Variants in PADI4 observed in about 807,000 individuals in gnomAD.
The protein encoded by PADI4 is peptidyl arginine deiminase 4, also known as protein-arginine deiminase type-4.
Under a neutral mutation model 75.0 loss-of-function variants are expected in PADI4, and 62 were observed. That is an observed-to-expected ratio of 0.83 (90% confidence interval 0.67 to 1.02). The LOEUF (loss-of-function observed/expected upper bound fraction) is 1.02. Ranked by LOEUF, PADI4 falls within the 50% of genes least tolerant of loss-of-function variation. The pLI, the probability that PADI4 is intolerant of heterozygous loss-of-function variation, is 0.00. For synonymous variants in PADI4, 361 were observed against 348.1 expected (o/e 1.04, Z -0.41); for missense variants, 845 against 850.5 (o/e 0.99, Z 0.08).
rs569201762 is a variant in PADI4, at chr1:17,355,124, A to AGGCCTAATGACAGAAG, written c.1310+440_1310+455dup. Among the ~76,000 whole-genome samples the AGGCCTAATGACAGAAG allele has an allele frequency of 3.9e-4, 60 of 152,318 alleles. 1 individual carries two copies. The South Asian group carries it at 0.012, about 31-fold the overall frequency. ...CTCTGGGGAAGGGGCTTTTGAACTG[A>AGGCCTAATGACAGAAG]GGCCTAATGACAGAAGGGACAGGGC... On this transcript the variant is annotated intron_variant, in intron 11 of 15. Coordinates refer to ENST00000375448, the MANE Select transcript of PADI4 (RefSeq NM_012387.3).
At chr1:17,338,318 T>G (rs1635585) in intron 5 of PADI4, among the ~76,000 whole-genome samples, 163 bp downstream of exon 5, 97,781 of 151,968 alleles carry the variant, frequency 0.64, 31,594 homozygotes, top group Non-Finnish European at 0.67. Flanking sequence ...CCCTCGGGGG[T>G]CAAGTGACCT....
intron 2 of PADI4, among the ~76,000 whole-genome samples, chr1:17,333,552 A>G (rs882537): frequency 0.64 from 97,177 of 151,068 alleles, 31,442 homozygotes; most frequent in Non-Finnish European, 0.67. Flanking sequence ...CTGGTTCTTC[A>G]GGTCTTTCCT....
Position 17,356,380 on chromosome 1 carries a change from C to T in PADI4, c.1479C>T (p.Ser493=), listed in dbSNP as rs753207607. ...DRKGFRLLLA[S]PRSCYKLFQE... ...AGGGCTTCCGGCTGCTCCTGGCCAG[C>T]CCCAGGTCCTGCTACAAACTGTTCC... Residue 493 remains serine (S), a synonymous_variant, in exon 13 of 16, where the codon AGC becomes AGT. Coordinates refer to ENST00000375448, the MANE Select transcript of PADI4 (RefSeq NM_012387.3). The surrounding 1 kb of genome is among the most constrained non-coding windows in gnomAD (Gnocchi z 4.1). 15 of 1,612,078 alleles carry T rather than the reference C, an allele frequency of 9.3e-6. No homozygotes were observed. The highest frequency in any genetic ancestry group is 1.3e-5 in the Non-Finnish European group (15 of 1,178,826).
intron 8 of PADI4, among the ~76,000 whole-genome samples, chr1:17,343,416 G>A (rs6662651): frequency 0.019 from 2,842 of 152,098 alleles, 110 homozygotes; most frequent in African/African-American, 0.065. Flanking sequence ...TAGCTTCAGG[G>A]GCAGAAGAGT....
intron 1 of PADI4, among the ~76,000 whole-genome samples, chr1:17,321,729 G>A (rs2074035048): frequency 6.6e-6 from 1 of 152,328 alleles, no homozygotes; most frequent in Middle Eastern, 3.4e-3. Context: ...GAATGTTAGT[G>A]ATTGTCTTGT....
At chr1:17,355,122 T>G (rs186291147) in intron 11 of PADI4, among the ~76,000 whole-genome samples, 21 of 152,200 alleles carry the variant, frequency 1.4e-4, no homozygotes, top group African/African-American at 4.3e-4. Context: ...GCTTTTGAAC[T>G]GAGGCCTAAT....
chr1:17,329,586 G>A (rs2074174549), intron 1 of PADI4, among the ~76,000 whole-genome samples: 1 of 152,172 alleles, frequency 6.6e-6, no homozygotes, highest in Non-Finnish European at 1.5e-5. Flanking sequence ...TTCATGTTGA[G>A]TAGGCTGAGG....
chr1:17,330,724 G>A (rs1358221354), intron 1 of PADI4, among the ~76,000 whole-genome samples: 2 of 152,192 alleles, frequency 1.3e-5, no homozygotes, highest in African/African-American at 2.4e-5. Flanking sequence ...AGCCTTGCTG[G>A]CAGCCGACTG....
At chr1:17,320,550 C>T (rs10788663) in intron 1 of PADI4, among the ~76,000 whole-genome samples, 85,076 of 151,960 alleles carry the variant, frequency 0.56, 24,231 homozygotes, top group Non-Finnish European at 0.61. Flanking sequence ...AGGGTTCCTC[C>T]ACTTTTTAGA....
At chr1:17,323,350 T>A (rs1317522677) in intron 1 of PADI4, among the ~76,000 whole-genome samples, 1 of 151,902 alleles carries the variant, frequency 6.6e-6, no homozygotes, top group East Asian at 1.9e-4. Context: ...TAGAAGGAAG[T>A]CAGTAGGTCC....
chr1:17,316,372 T>C (rs1485748952), intron 1 of PADI4, among the ~76,000 whole-genome samples: 13 of 139,542 alleles, frequency 9.3e-5, no homozygotes, highest in East Asian at 6.7e-4. Flanking sequence ...CCAGCCTGGG[T>C]GACAGAGCAA....
rs572732935 is a variant in PADI4, at chr1:17,308,244, C to A, written c.22C>A (p.Arg8Ser). Reference protein sequence around the residue: MAQGTLIRVTPEQPTHAV... With the variant: MAQGTLISVTPEQPTHAV... The stretch of plus-strand genomic sequence containing the variant: ...GACGATGGCCCAGGGGACATTGATC[C>A]GTGTGACCCCAGAGCAGCCCACCCA... The change falls in exon 1 of 16, where the codon CGT becomes AGT. Residue 8 changes from arginine to serine, a missense_variant. Coordinates refer to ENST00000375448, the MANE Select transcript of PADI4 (RefSeq NM_012387.3). The A allele has an allele frequency of 1.2e-6, 2 of 1,614,014 alleles. No individual in the cohort carries two copies. Among genetic ancestry groups the A allele is most frequent in the Non-Finnish European group, 1.7e-6 (2 of 1,179,948 alleles).
rs1293282553 is a variant in PADI4, at chr1:17,329,274, C to G, written c.93-1695C>G. Among the ~76,000 whole-genome samples, 3 of 147,438 alleles carry G rather than the reference C, an allele frequency of 2.0e-5. No individual in the cohort carries two copies. The East Asian group carries it at 6.0e-4, about 29-fold the overall frequency. On this transcript the variant is annotated intron_variant, in intron 1 of 15. Coordinates refer to ENST00000375448, the MANE Select transcript of PADI4 (RefSeq NM_012387.3). ...CCAGGAGGCAGAGCTTGCAGTGAGCCAAGATCACGCCACTGCACTCCAGCC... is the reference window on the plus strand; with the variant it reads ...CCAGGAGGCAGAGCTTGCAGTGAGCGAAGATCACGCCACTGCACTCCAGCC...
chr1:17,358,894 A>G lies in PADI4; in HGVS notation c.1615A>G (p.Asn539Asp). The G allele has an allele frequency of 6.2e-7, 1 of 1,607,530 alleles. No homozygotes were observed. Among genetic ancestry groups the G allele is most frequent in the South Asian group, 1.1e-5 (1 of 90,170 alleles). ...ILSNKTLREH[N>D]SFVERCIDWN... Reference sequence around the variant, plus strand: ...GTCAAACAAGACATTGAGAGAACATAATTCATTTGTGGAGGTAGGAGCCTG... The same window carrying G: ...GTCAAACAAGACATTGAGAGAACATGATTCATTTGTGGAGGTAGGAGCCTG... Residue 539 changes from asparagine to aspartate, a missense_variant, in exon 14 of 16, where the codon AAT (asparagine) becomes GAT (aspartate). Transcript: ENST00000375448.
chr1:17,318,055 C>T (rs2100665801), intron 1 of PADI4, among the ~76,000 whole-genome samples: 1 of 152,324 alleles, frequency 6.6e-6, no homozygotes, highest in East Asian at 1.9e-4. Context: ...GGGCCCCACT[C>T]CTAGAGTTTC....
At chr1:17,353,275 A>T (rs1353254987) in intron 10 of PADI4, among the ~76,000 whole-genome samples, 1 of 152,112 alleles carries the variant, frequency 6.6e-6, no homozygotes, top group Non-Finnish European at 1.5e-5. Context: ...CCTGGGCAAC[A>T]TAGTGAGACC....
At chr1:17,355,439 C>T (rs1189538013) in intron 11 of PADI4, among the ~76,000 whole-genome samples, 1 of 151,970 alleles carries the variant, frequency 6.6e-6, no homozygotes, top group Admixed American at 6.5e-5. Flanking sequence ...ATCCCAGCTA[C>T]TCGGGAGGCC....
At chr1:17,314,033 A>G (rs1209021773) in intron 1 of PADI4, among the ~76,000 whole-genome samples, 2 of 152,132 alleles carry the variant, frequency 1.3e-5, no homozygotes, top group African/African-American at 4.8e-5. Context: ...TCTGAGCCTC[A>G]GTTTCCCCAT....
intron 10 of PADI4, among the ~76,000 whole-genome samples, chr1:17,351,199 A>G (rs2074612097): frequency 1.2e-5 from 1 of 85,650 alleles, no homozygotes; most frequent in Non-Finnish European, 2.7e-5. Context: ...CTTGTCCCAG[A>G]GGAAAAAAAA....
Sources: gnomAD v4.1 joint callset for allele counts (sites outside exome capture counted in the v4.1 genomes callset) on GRCh38, gnomAD v4.1.1 for gene constraint, Gnocchi (gnomAD v3.1) non-coding constraint, MANE v1.5 for transcripts, NCBI Gene and HGNC (gene_info 2026-07-23, HGNC 2026-07-21) for gene names.